CCDC7: variants seen among roughly 807,000 people sequenced by gnomAD.
CCDC7 encodes coiled-coil domain containing 7.
CCDC7 carries 183 observed loss-of-function variants against 196.9 expected under a neutral mutation model. The observed-to-expected ratio is 0.93, with a 90% CI of 0.82 to 1.05. The LOEUF is 1.05. Among genes scored for constraint, CCDC7 ranks in the 50% least tolerant of loss-of-function variants. CCDC7 has a pLI of 0.00. For synonymous variants in CCDC7, 525 were observed against 484.6 expected (o/e 1.08, Z -1.10); for missense variants, 1,540 against 1,482.2 (o/e 1.04, Z -0.64).
intron 13 of CCDC7, among the ~76,000 whole-genome samples, chr10:32,563,138 T>G (rs1233997883): frequency 6.6e-6 from 1 of 151,816 alleles, no homozygotes; most frequent in Non-Finnish European, 1.5e-5. Context: ...CACTGCTCAA[T>G]GAAATAAAAG....
At chr10:32,445,867 C>T (rs1366737545), upstream of CCDC7, among the ~76,000 whole-genome samples, 1 of 152,220 alleles carries the variant, frequency 6.6e-6, no homozygotes, top group Non-Finnish European at 1.5e-5. Flanking sequence ...CTCAAAGGTC[C>T]TACCAGGCCT....
chr10:32,723,449 C>G (rs951028643), intron 25 of CCDC7, among the ~76,000 whole-genome samples: 8 of 152,074 alleles, frequency 5.3e-5, no homozygotes, highest in Non-Finnish European at 1.2e-4. Context: ...TGTTAACAGT[C>G]TCATCTACCA....
chr10:32,514,109 A>G (rs1243063530), intron 9 of CCDC7: 1 of 152,238 alleles, frequency 6.6e-6, no homozygotes, highest in Non-Finnish European at 1.5e-5. Context: ...AACCTATTGG[A>G]AGTAATGAAT....
chr10:32,743,650 A>G (rs2074173966), intron 28 of CCDC7, among the ~76,000 whole-genome samples: 1 of 152,148 alleles, frequency 6.6e-6, no homozygotes, highest in Non-Finnish European at 1.5e-5. Context: ...TATATACCCA[A>G]AGGATTATAA....
chr10:32,850,792 CA>C lies in CCDC7; in HGVS notation c.3896-1014del, dbSNP rs2093530143. 1.6e-3 allele frequency among the ~76,000 whole-genome samples: 89 copies of C among 56,758 alleles called. 3 individuals carry two copies. Among genetic ancestry groups the C allele is most frequent in the Admixed American group, 0.014 (89 of 6,410 alleles). 37.2% of individuals were successfully genotyped at this position (56,758 alleles called of 152,430 possible). ...CTCTGACAACACACACACACACACA[CA>C]CACACACACACACACACACACACAC... On this transcript the variant is annotated intron_variant, in intron 39 of 41. Coordinates refer to ENST00000639629, the Ensembl canonical transcript of CCDC7.
At chr10:32,449,264 T>A (rs376617110), upstream of CCDC7, among the ~76,000 whole-genome samples, 10 of 152,266 alleles carry the variant, frequency 6.6e-5, no homozygotes, top group East Asian at 1.9e-3. Context: ...CTCTGCTCAC[T>A]GCAACCTCTA....
At chr10:32,806,681 C>G (rs1307983988) in intron 30 of CCDC7, among the ~76,000 whole-genome samples, 1 of 151,914 alleles carries the variant, frequency 6.6e-6, no homozygotes, top group Non-Finnish European at 1.5e-5. Flanking sequence ...GTATTAGGAA[C>G]ACTAAAAAGA....
At chr10:32,650,434 G>A (rs571911671) in intron 20 of CCDC7, among the ~76,000 whole-genome samples, 19 of 152,188 alleles carry the variant, frequency 1.2e-4, no homozygotes, top group Non-Finnish European at 2.6e-4. Flanking sequence ...TCTCTCACCA[G>A]GCTTGCCCAT....
chr10:32,605,481 T>C (rs913754537), intron 18 of CCDC7, among the ~76,000 whole-genome samples: 7 of 152,174 alleles, frequency 4.6e-5, no homozygotes, highest in African/African-American at 1.4e-4. Context: ...TGGAACTTCG[T>C]AGAGACTGGT....
intron 41 of CCDC7, among the ~76,000 whole-genome samples, chr10:32,860,780 A>G (rs1433478355): frequency 6.6e-6 from 1 of 152,166 alleles, no homozygotes; most frequent in Non-Finnish European, 1.5e-5. Context: ...ACAAACAGAG[A>G]GCCAAATCAT....
chr10:32,692,966 AT>A (rs2077261334), intron 23 of CCDC7, among the ~76,000 whole-genome samples: 1 of 152,090 alleles, frequency 6.6e-6, no homozygotes, highest in Admixed American at 6.6e-5. Flanking sequence ...ACCTTTAGCT[AT>A]TTGCTCCCTA....
At chr10:32,732,641 A>G (rs1376376531) in intron 28 of CCDC7, among the ~76,000 whole-genome samples, 1 of 152,110 alleles carries the variant, frequency 6.6e-6, no homozygotes, top group Non-Finnish European at 1.5e-5. Flanking sequence ...AAGAATGCTG[A>G]AACTCTTGTC....
intron 20 of CCDC7, among the ~76,000 whole-genome samples, chr10:32,636,638 T>C (rs958060685): frequency 6.6e-6 from 1 of 152,240 alleles, no homozygotes; most frequent in Non-Finnish European, 1.5e-5. Flanking sequence ...TTGTTGGACA[T>C]TTGGGTTGGT....
chr10:32,675,822 T>C (rs1383595392), intron 21 of CCDC7: 1 of 152,122 alleles, frequency 6.6e-6, no homozygotes, highest in African/African-American at 2.4e-5. Flanking sequence ...AGGTAATTTA[T>C]AGATTTAATG....
chr10:32,771,766 A>C (rs920505681), intron 28 of CCDC7, among the ~76,000 whole-genome samples: 6 of 152,216 alleles, frequency 3.9e-5, no homozygotes, highest in African/African-American at 1.4e-4. Context: ...AGTTAAGAGT[A>C]GTAATGAACT....
At chr10:32,784,609 G>C (rs1018587018) in intron 29 of CCDC7, among the ~76,000 whole-genome samples, 21 of 152,030 alleles carry the variant, frequency 1.4e-4, no homozygotes, top group Non-Finnish European at 2.5e-4. Flanking sequence ...GTCTCGCTCT[G>C]TCGCCAGGCT....
At chr10:32,660,013 A>T (rs1208378377) in intron 20 of CCDC7, among the ~76,000 whole-genome samples, 1 of 152,162 alleles carries the variant, frequency 6.6e-6, no homozygotes, top group Non-Finnish European at 1.5e-5. Context: ...TCCTATAAAG[A>T]CGTGTGCACA....
At chr10:32,649,576 G>C (rs1468121532) in intron 20 of CCDC7, among the ~76,000 whole-genome samples, 1 of 152,188 alleles carries the variant, frequency 6.6e-6, no homozygotes, top group African/African-American at 2.4e-5. Flanking sequence ...TCTAGCAAGA[G>C]TAGGAAAATA....
rs190497915 is a variant in CCDC7 at position 32,592,392 on chromosome 10, C to G, written c.1801+8088C>G. Among the ~76,000 whole-genome samples, 281 of 151,508 alleles carry G rather than the reference C, an allele frequency of 1.9e-3. 2 individuals carry two copies. The highest frequency in any genetic ancestry group is 3.2e-3 in the Non-Finnish European group (219 of 67,824). ...CTGCTAGCTTTGGATTTAGGTTGTC[C>G]TTTTTCTAGTTTTTTTAAGGCATAA... On this transcript the variant is annotated intron_variant, in intron 18 of 41. Coordinates refer to ENST00000639629, the Ensembl canonical transcript of CCDC7.
Sources: gnomAD v4.1 joint callset for allele counts (sites outside exome capture counted in the v4.1 genomes callset) on GRCh38, gnomAD v4.1.1 for gene constraint, MANE v1.5 for transcripts, NCBI Gene and HGNC (gene_info 2026-07-23, HGNC 2026-07-21) for gene names.